PRKG1: variants seen among roughly 807,000 people sequenced by gnomAD.
PRKG1 encodes cGMP-dependent protein kinase 1.
PRKG1 carries 35 observed loss-of-function variants against 88.1 expected under a neutral mutation model. The ratio of observed to expected loss-of-function variants is 0.40; its 90% CI spans 0.30 to 0.53. PRKG1 has a LOEUF of 0.53. Among genes scored for constraint, PRKG1 ranks in the 20% least tolerant of loss-of-function variants. The pLI is 0.59. For missense variants in PRKG1, 540 were observed against 839.8 expected, an observed-to-expected ratio of 0.64 and a Z score of 4.41; for synonymous variants, 303 against 292.5, an observed-to-expected ratio of 1.04 and a Z score of -0.37.
At chr10:52,241,615 T>C (rs1031793563) in intron 9 of PRKG1, among the ~76,000 whole-genome samples, 6 of 152,202 alleles carry the variant, frequency 3.9e-5, no homozygotes, top group Admixed American at 1.3e-4. Flanking sequence ...CATGAAGTTA[T>C]GCAAAATTCA....
intron 9 of PRKG1, among the ~76,000 whole-genome samples, chr10:52,184,301 A>G (rs1362314122): frequency 6.6e-6 from 1 of 152,168 alleles, no homozygotes; most frequent in East Asian, 1.9e-4. Flanking sequence ...ATATGGTTCA[A>G]CCTATGATTT....
intron 4 of PRKG1, among the ~76,000 whole-genome samples, chr10:51,818,033 T>C (rs377170732): frequency 1.8e-4 from 27 of 152,328 alleles, no homozygotes; most frequent in East Asian, 1.2e-3. Context: ...TTTGGACACC[T>C]ATCTCAACAG....
intron 3 of PRKG1, among the ~76,000 whole-genome samples, chr10:51,643,947 C>A (rs1293047293): frequency 6.6e-6 from 1 of 152,120 alleles, no homozygotes; most frequent in African/African-American, 2.4e-5. Flanking sequence ...CAGCCTTTCC[C>A]CGACTTCTCA....
intron 5 of PRKG1, among the ~76,000 whole-genome samples, chr10:52,020,897 G>A (rs866954034): frequency 3.0e-4 from 45 of 152,182 alleles, no homozygotes; most frequent in African/African-American, 9.9e-4. Context: ...CATTCAATTA[G>A]CATTTTAATG....
chr10:51,768,120 T>C (rs1262721640), intron 3 of PRKG1, among the ~76,000 whole-genome samples: 1 of 152,204 alleles, frequency 6.6e-6, no homozygotes, highest in Non-Finnish European at 1.5e-5. Flanking sequence ...CAGAGTATAA[T>C]ATAAATGTAG....
chr10:51,344,940 T>C (rs946452904), intron 2 of PRKG1, among the ~76,000 whole-genome samples: 2 of 152,234 alleles, frequency 1.3e-5, no homozygotes, highest in African/African-American at 4.8e-5. Flanking sequence ...TCTTCAGTTT[T>C]GCTTGTAAAT....
intron 4 of PRKG1, among the ~76,000 whole-genome samples, chr10:51,907,138 C>T (rs529488577): frequency 7.9e-5 from 12 of 152,078 alleles, no homozygotes; most frequent in Admixed American, 3.3e-4. Context: ...TTTGGAATGC[C>T]CTTGGCCAAG....
chr10:52,280,769 A>G lies in PRKG1; in HGVS notation c.1404-20A>G. On this transcript the variant is annotated intron_variant, in intron 12 of 17. Coordinates refer to ENST00000373980, the MANE Select transcript of PRKG1 (RefSeq NM_006258.4). ...GAAATTAATTTTTTATACAATTTTC[A>G]TTCCATTTCTGCACCTCAGAGGTTC... 1 of 1,603,380 alleles carries G rather than the reference A, an allele frequency of 6.2e-7. No homozygotes were observed. The highest frequency in any genetic ancestry group is 8.5e-7 in the Non-Finnish European group (1 of 1,175,312).
At chr10:51,138,884 A>G (rs1038708567) in intron 1 of PRKG1, among the ~76,000 whole-genome samples, 1 of 151,530 alleles carries the variant, frequency 6.6e-6, no homozygotes, top group Non-Finnish European at 1.5e-5. Context: ...GGGTTTCACC[A>G]TGTTGGCCAG....
intron 3 of PRKG1, among the ~76,000 whole-genome samples, chr10:51,680,047 G>C (rs1239120161): frequency 1.3e-5 from 2 of 152,088 alleles, no homozygotes; most frequent in African/African-American, 4.8e-5. Context: ...GATGGAAAAG[G>C]AAAGTGCCTT....
chr10:51,921,779 A>G (rs146423415), intron 5 of PRKG1, among the ~76,000 whole-genome samples: 32 of 152,170 alleles, frequency 2.1e-4, no homozygotes, highest in South Asian at 6.2e-4. Flanking sequence ...GTCATGGTAT[A>G]TAATTCTTTT....
rs555298501 is a variant in PRKG1 at position 52,246,932 on chromosome 10, G to A, written c.1077-4638G>A. Among the ~76,000 whole-genome samples the A allele has an allele frequency of 4.0e-5, 6 of 149,580 alleles. No homozygotes were observed. In the South Asian group the frequency reaches 1.3e-3, roughly 32 times the overall value. ...CTATAAGGATTAGCTATTGTCTGTGGTTTCTAATCACCATAGCCCCAGATG... is the reference window on the plus strand; with the variant it reads ...CTATAAGGATTAGCTATTGTCTGTGATTTCTAATCACCATAGCCCCAGATG... On this transcript the variant is annotated intron_variant, in intron 9 of 17. Transcript: ENST00000373980.
chr10:51,962,807 T>A (rs780551412), intron 5 of PRKG1, among the ~76,000 whole-genome samples: 3 of 152,172 alleles, frequency 2.0e-5, no homozygotes, highest in African/African-American at 7.2e-5. Flanking sequence ...ACCAATATAT[T>A]TGTTGGCAGC....
At chr10:52,004,116 G>A (rs776806756) in intron 5 of PRKG1, among the ~76,000 whole-genome samples, 1 of 152,076 alleles carries the variant, frequency 6.6e-6, no homozygotes, top group Non-Finnish European at 1.5e-5. Context: ...TTTCCTCTAA[G>A]TGTTTTAAGA....
intron 5 of PRKG1, among the ~76,000 whole-genome samples, chr10:52,019,721 T>A (rs1269726123): frequency 1.3e-5 from 2 of 152,204 alleles, no homozygotes; most frequent in African/African-American, 4.8e-5. Context: ...GCTTATACTC[T>A]TAGCCATAAA....
intron 1 of PRKG1, among the ~76,000 whole-genome samples, chr10:51,047,567 G>A (rs1843505838): frequency 6.8e-6 from 1 of 146,234 alleles, no homozygotes; most frequent in Non-Finnish European, 1.5e-5. Context: ...AAATTGAGTA[G>A]TAATTTAAAG....
intron 5 of PRKG1, among the ~76,000 whole-genome samples, chr10:52,016,068 C>T (rs542520629): frequency 8.8e-4 from 134 of 152,308 alleles, no homozygotes; most frequent in African/African-American, 2.8e-3. Context: ...CCAGCCTCTG[C>T]GGATTACTTA....
chr10:51,606,151 T>C (rs1838761181), intron 3 of PRKG1, among the ~76,000 whole-genome samples: 1 of 152,220 alleles, frequency 6.6e-6, no homozygotes, highest in East Asian at 1.9e-4. Flanking sequence ...AATGGTAGGT[T>C]AATTTATTAC....
intron 3 of PRKG1, among the ~76,000 whole-genome samples, chr10:51,749,431 G>A (rs553387911): frequency 6.6e-6 from 1 of 152,160 alleles, no homozygotes; most frequent in African/African-American, 2.4e-5. Flanking sequence ...TGCTCACACA[G>A]CCTTCCCTTG....
Sources: gnomAD v4.1 joint callset for allele counts (sites outside exome capture counted in the v4.1 genomes callset) on GRCh38, gnomAD v4.1.1 for gene constraint, MANE v1.5 for transcripts, NCBI Gene and HGNC (gene_info 2026-07-23, HGNC 2026-07-21) for gene names.